CSMD1: variants seen among roughly 807,000 people sequenced by gnomAD.
The protein encoded by CSMD1 is CUB and Sushi multiple domains 1.
Under a neutral mutation model 417.5 loss-of-function variants are expected in CSMD1, and 213 were observed. The ratio of observed to expected loss-of-function variants is 0.51; its 90% CI spans 0.46 to 0.57. CSMD1 has a LOEUF of 0.57. Among genes scored for constraint, CSMD1 ranks in the 20% least tolerant of loss-of-function variants. The pLI, the probability that CSMD1 is intolerant of heterozygous loss-of-function variation, is 0.00. For synonymous variants in CSMD1, 2,862 were observed against 1,736.8 expected, an observed-to-expected ratio of 1.65 and a Z score of -16.11; for missense variants, 6,923 against 4,529.7, an observed-to-expected ratio of 1.53 and a Z score of -15.17.
intron 7 of CSMD1, among the ~76,000 whole-genome samples, chr8:3,654,817 G>A (rs542308903): frequency 1.7e-3 from 265 of 152,176 alleles, no homozygotes; most frequent in African/African-American, 5.8e-3. Context: ...CTACCATGGC[G>A]CCCAGGATCC....
chr8:3,605,970 T>G (rs73491447), intron 8 of CSMD1, among the ~76,000 whole-genome samples: 2,175 of 152,342 alleles, frequency 0.014, 57 homozygotes, highest in African/African-American at 0.05. Flanking sequence ...AGGAGTCTTC[T>G]GCCTTGTGTG....
chr8:3,751,893 G>T (rs988585236), intron 6 of CSMD1, among the ~76,000 whole-genome samples: 1 of 152,146 alleles, frequency 6.6e-6, no homozygotes, highest in South Asian at 2.1e-4. Context: ...ACATTTTAGA[G>T]ACAAATCTGT....
intron 6 of CSMD1, among the ~76,000 whole-genome samples, chr8:3,736,047 C>T (rs1285514643): frequency 6.6e-6 from 1 of 151,958 alleles, no homozygotes; most frequent in African/African-American, 2.4e-5. Context: ...CAAAGAACTA[C>T]CTAAAGCAGG....
At position 3,825,310 on chromosome 8, in the gene CSMD1, G is replaced by A. The variant is rs144138810; in HGVS notation, c.819-71268C>T. Among the ~76,000 whole-genome samples, 99 of 152,228 alleles carry A rather than the reference G, an allele frequency of 6.5e-4. 1 individual carries two copies. The highest frequency in any genetic ancestry group is 3.4e-3 in the Middle Eastern group (1 of 294). On this transcript the variant is annotated intron_variant, in intron 5 of 69. Transcript: ENST00000635120. The stretch of plus-strand genomic sequence containing the variant: ...TTTGGGAGACCGCGACAGGTGGATC[G>A]CTGGATGTCAGGAGCTCGAGACCAG...
chr8:4,199,804 G>C (rs567737027), intron 3 of CSMD1, among the ~76,000 whole-genome samples: 5 of 152,192 alleles, frequency 3.3e-5, no homozygotes, highest in Admixed American at 1.3e-4. Context: ...AAAATCGGAT[G>C]ACTTTTGTAG....
intron 7 of CSMD1, among the ~76,000 whole-genome samples, chr8:3,675,933 A>G (rs1799352067): frequency 6.6e-6 from 1 of 152,126 alleles, no homozygotes; most frequent in African/African-American, 2.4e-5. Flanking sequence ...TTGGAGAGTA[A>G]TGTACCTGAG....
At chr8:3,988,324 T>C (rs1452166960) in intron 5 of CSMD1, among the ~76,000 whole-genome samples, 1 of 152,228 alleles carries the variant, frequency 6.6e-6, no homozygotes, top group African/African-American at 2.4e-5. Flanking sequence ...AGAGCTTGCA[T>C]CAAATTCTGA....
In CSMD1 at chr8:3,289,920, G is replaced by A. The variant is rs145186262; in HGVS notation, c.3951-5574C>T. Among the ~76,000 whole-genome samples, 2 of 147,580 alleles carry A rather than the reference G, an allele frequency of 1.4e-5. 1 individual carries two copies. The highest frequency in any genetic ancestry group is 1.3e-4 in the Admixed American group (2 of 15,000). On this transcript the variant is annotated intron_variant, in intron 25 of 69. Transcript: ENST00000635120. Reference sequence around the variant, plus strand: ...CTTACCCATGCCTGTGTCCTGAATGGTATTGTTTAGGTTTTCTTCTAGGGT... The same window carrying A: ...CTTACCCATGCCTGTGTCCTGAATGATATTGTTTAGGTTTTCTTCTAGGGT...
chr8:4,290,218 T>G (rs1797284944), intron 3 of CSMD1, among the ~76,000 whole-genome samples: 1 of 151,772 alleles, frequency 6.6e-6, no homozygotes, highest in African/African-American at 2.4e-5. Flanking sequence ...CACTTGTATG[T>G]GTGTCTGCAA....
At chr8:4,126,342 C>T (rs1802763617) in intron 3 of CSMD1, among the ~76,000 whole-genome samples, 1 of 152,198 alleles carries the variant, frequency 6.6e-6, no homozygotes, top group Admixed American at 6.5e-5. Context: ...AAGGTGAACC[C>T]ACTGCATGGT....
intron 1 of CSMD1, among the ~76,000 whole-genome samples, chr8:4,922,983 G>C (rs1403719887): frequency 6.6e-6 from 1 of 152,094 alleles, no homozygotes; most frequent in East Asian, 1.9e-4. Flanking sequence ...TCACATTAAT[G>C]TGAACAGTAA....
intron 46 of CSMD1, among the ~76,000 whole-genome samples, chr8:3,101,468 G>T (rs1815736090): frequency 1.3e-5 from 2 of 152,284 alleles, no homozygotes; most frequent in South Asian, 4.1e-4. Context: ...TGACGCCCAG[G>T]CTGGAGTGCA....
At chr8:4,985,202 G>T (rs901746818) in intron 1 of CSMD1, among the ~76,000 whole-genome samples, 1 of 152,084 alleles carries the variant, frequency 6.6e-6, no homozygotes, top group Non-Finnish European at 1.5e-5. Context: ...ACACACCGGG[G>T]CCTGTCAGAG....
At chr8:4,300,394 C>A (rs1253380855) in intron 3 of CSMD1, among the ~76,000 whole-genome samples, 2 of 152,118 alleles carry the variant, frequency 1.3e-5, no homozygotes, top group Non-Finnish European at 2.9e-5. Flanking sequence ...GCTCCATCAA[C>A]CTCAAGACAC....
At chr8:3,341,416 C>G (rs1807633166) in intron 23 of CSMD1, among the ~76,000 whole-genome samples, 1 of 152,102 alleles carries the variant, frequency 6.6e-6, no homozygotes, top group Non-Finnish European at 1.5e-5. Flanking sequence ...GAAAATGAGA[C>G]CAAGTGTTTA....
chr8:4,767,569 C>T (rs966043717), intron 1 of CSMD1, among the ~76,000 whole-genome samples: 1 of 152,152 alleles, frequency 6.6e-6, no homozygotes, highest in African/African-American at 2.4e-5. Flanking sequence ...GGGGCCTCTC[C>T]TCCCTTTCCG....
intron 23 of CSMD1, among the ~76,000 whole-genome samples, chr8:3,335,616 CA>C (rs1005047453): frequency 6.6e-6 from 1 of 152,116 alleles, no homozygotes; most frequent in African/African-American, 2.4e-5. Context: ...GGTGGAAGTG[CA>C]ATGAGTCGAG....
chr8:3,907,894 C>T (rs909795705), intron 5 of CSMD1, among the ~76,000 whole-genome samples: 3 of 152,174 alleles, frequency 2.0e-5, no homozygotes, highest in African/African-American at 7.2e-5. Context: ...GAGAATATTT[C>T]AGGGATTCTT....
At chr8:4,097,285 G>T (rs1285554686) in intron 3 of CSMD1, among the ~76,000 whole-genome samples, 1 of 152,264 alleles carries the variant, frequency 6.6e-6, no homozygotes, top group Non-Finnish European at 1.5e-5. Context: ...TCTAAGCTCT[G>T]TCTTATAAAA....
Sources: allele counts gnomAD v4.1 joint callset (sites outside exome capture counted in the v4.1 genomes callset), GRCh38; gene constraint gnomAD v4.1.1; transcripts MANE v1.5; gene names NCBI Gene and HGNC (gene_info 2026-07-23, HGNC 2026-07-21).